The following APC variants were observed in gnomAD, a reference collection of about 807,000 sequenced individuals.
APC encodes APC regulator of Wnt signaling pathway.
Under a neutral mutation model 247.0 loss-of-function variants are expected in APC, and 72 were observed. That is an observed-to-expected ratio of 0.29 (90% CI 0.24 to 0.35). The LOEUF (loss-of-function observed/expected upper bound fraction) is 0.35, where lower values mean the gene tolerates loss of function less well. Ranked by LOEUF, APC falls within the 10% of genes least tolerant of loss-of-function variation. The pLI is 1.00. For missense variants in APC, 3,400 were observed against 3,360.7 expected, an observed-to-expected ratio of 1.01 and a Z score of -0.29; for synonymous variants, 1,254 against 1,162.5, an observed-to-expected ratio of 1.08 and a Z score of -1.60.
chr5:112,742,284 C>T (rs535806447), intron 1 of APC, among the ~76,000 whole-genome samples: 14 of 152,232 alleles, frequency 9.2e-5, no homozygotes, highest in South Asian at 8.3e-4. Flanking sequence ...CAGTGAAGGC[C>T]GTAAGTTTTC....
At chr5:112,749,994 G>C (rs1581105628) in intron 1 of APC, among the ~76,000 whole-genome samples, 1 of 107,216 alleles carries the variant, frequency 9.3e-6, no homozygotes, top group African/African-American at 3.8e-5. Context: ...ATGGAGTCTT[G>C]CTCTGTCTCC....
chr5:112,754,242 T>C (rs1372811601), intron 1 of APC, among the ~76,000 whole-genome samples: 1 of 152,246 alleles, frequency 6.6e-6, no homozygotes, highest in East Asian at 1.9e-4. Context: ...GAACTTTATG[T>C]TAGTAATTCT....
chr5:112,734,619 A>G (rs1314703949), upstream of APC, among the ~76,000 whole-genome samples: 1 of 152,226 alleles, frequency 6.6e-6, no homozygotes, highest in African/African-American at 2.4e-5. Context: ...GTTTATCAGT[A>G]AAGCACCAGA....
Position 112,842,849 on chromosome 5 carries a change from A to G in APC, c.7255A>G (p.Met2419Val), listed in dbSNP as rs730881259. 1 of 1,613,968 alleles carries G rather than the reference A, an allele frequency of 6.2e-7. No individual in the cohort carries two copies. Among genetic ancestry groups the G allele is most frequent in the Non-Finnish European group, 8.5e-7 (1 of 1,179,924 alleles). ...CAATAAAAAGGTAGAACTTTCTAGAATGTCTTCAACTAAATCAAGTGGAAG... is the reference window on the plus strand; with the variant it reads ...CAATAAAAAGGTAGAACTTTCTAGAGTGTCTTCAACTAAATCAAGTGGAAG... ...GANKKVELSR[M>V]SSTKSSGSES... Residue 2419 changes from methionine to valine, a missense_variant, in exon 16 of 16, where the codon ATG (methionine) becomes GTG (valine). Around this residue, in one of 9 missense-constraint regions of APC, gnomAD observed 1,788 missense variants for 1,649.5 expected, o/e 1.08. Transcript: ENST00000257430.
intron 13 of APC, among the ~76,000 whole-genome samples, chr5:112,828,496 A>G (rs1763951403): frequency 6.7e-6 from 1 of 149,908 alleles, no homozygotes; most frequent in African/African-American, 2.4e-5. Context: ...TCTCTTGCCC[A>G]GGCTGGAGTG....
chr5:112,794,360 G>A (rs1188095174), intron 7 of APC, among the ~76,000 whole-genome samples: 1 of 152,184 alleles, frequency 6.6e-6, no homozygotes, highest in East Asian at 1.9e-4. Context: ...GATTACAGGC[G>A]TGAGCCACTG....
At chr5:112,801,217 G>A (rs1207655271) in intron 7 of APC, 62 bp from the exon 8 acceptor site, 32 of 1,389,634 alleles carry the variant, frequency 2.3e-5, no homozygotes, top group Non-Finnish European at 3.1e-5. Context: ...AAGAAAAAAA[G>A]CCTTGGGCTA....
At position 112,781,025 on chromosome 5, in the gene APC, A is replaced by G. The variant is rs79741137; in HGVS notation, c.645+122A>G. ...ATAAGGCTGTGTTTATTTTGGCTCT[A>G]TTTCAAAATAAGATTTATCATGGCT... On this transcript the variant is annotated intron_variant, in intron 6 of 15. Coordinates refer to ENST00000257430, the MANE Select transcript of APC (RefSeq NM_000038.6). The G allele has an allele frequency of 1.4e-6, 1 of 739,192 alleles. No homozygotes were observed. The highest frequency in any genetic ancestry group is 2.8e-5 in the East Asian group (1 of 36,156). 45.8% of individuals were successfully genotyped at this position (739,192 alleles called of 1,614,324 possible). A position where few individuals can be genotyped will look rare whatever the true frequency, so the allele number is the denominator to read the frequency against.
chr5:112,750,024 G>A (rs1157620861), intron 1 of APC, among the ~76,000 whole-genome samples: 2 of 142,640 alleles, frequency 1.4e-5, no homozygotes, highest in Non-Finnish European at 1.5e-5. Flanking sequence ...GTGCAGTGGC[G>A]CGATCTCGGC....
At chr5:112,803,345 A>G (rs1273097180) in intron 8 of APC, among the ~76,000 whole-genome samples, 3 of 152,200 alleles carry the variant, frequency 2.0e-5, no homozygotes, top group East Asian at 1.9e-4. Flanking sequence ...TAATACTAAC[A>G]ATAGCAAAAA....
In APC at chr5:112,760,679, G is replaced by C. The variant is rs573728117; in HGVS notation, c.136-5647G>C. Among the ~76,000 whole-genome samples, 3 of 152,296 alleles carry C rather than the reference G, an allele frequency of 2.0e-5. No individual in the cohort carries two copies. The East Asian group carries it at 5.8e-4, about 29-fold the overall frequency. On this transcript the variant is annotated intron_variant, in intron 2 of 15. Coordinates refer to ENST00000257430, the MANE Select transcript of APC (RefSeq NM_000038.6). ...AAATGTCAGATTTTGATACTGTATA[G>C]GGTAAGAAGTTAACTGCTGAGGAGA...
At position 112,834,932 on chromosome 5, in the gene APC, A is replaced by G. The variant is rs762654419; in HGVS notation, c.1744-19A>G. 26 of 1,605,008 alleles carry G rather than the reference A, an allele frequency of 1.6e-5. No individual in the cohort carries two copies. Among genetic ancestry groups the G allele is most frequent in the African/African-American group, 4.0e-5 (3 of 74,718 alleles). On this transcript the variant is annotated intron_variant, in intron 14 of 15. Transcript: ENST00000257430. ...AATTCCAACTCTAATTAGATGACCC[A>G]TATTCTGTTTCTTACTAGGAATCAA... is the stretch of plus-strand genomic sequence containing the variant.
rs530569994 is a variant in APC at position 112,764,565 on chromosome 5, G to A, written c.136-1761G>A. Among the ~76,000 whole-genome samples, 10 of 152,286 alleles carry A rather than the reference G, an allele frequency of 6.6e-5. No individual in the cohort carries two copies. In the South Asian group the frequency reaches 2.1e-3, roughly 32 times the overall value. On this transcript the variant is annotated intron_variant, in intron 2 of 15. Coordinates refer to ENST00000257430, the MANE Select transcript of APC (RefSeq NM_000038.6). ...TTTATTGGTACAAAATGTTAGTTCA[G>A]TTCTGGACATTTAGATGTATGGTAC...
chr5:112,833,511 A>C (rs2149835616), intron 14 of APC, among the ~76,000 whole-genome samples: 1 of 151,932 alleles, frequency 6.6e-6, no homozygotes, highest in Middle Eastern at 3.4e-3. Context: ...TTTTGTAGAG[A>C]TTGGGTATTG....
chr5:112,798,317 C>T (rs1760423569), intron 7 of APC, among the ~76,000 whole-genome samples: 1 of 152,026 alleles, frequency 6.6e-6, no homozygotes, highest in African/African-American at 2.4e-5. Context: ...TAAAATAAGC[C>T]AGAGATATAA....
chr5:112,817,035 A>AT (rs1561537643), intron 9 of APC, among the ~76,000 whole-genome samples: 1 of 151,274 alleles, frequency 6.6e-6, no homozygotes, highest in Non-Finnish European at 1.5e-5. Flanking sequence ...TGCCCGGCTA[A>AT]TTTTTTGTAT....
chr5:112,766,308 T>C lies in APC; in HGVS notation c.136-18T>C, dbSNP rs1261769588. On this transcript the variant is annotated intron_variant, in intron 2 of 15. Coordinates refer to ENST00000257430, the MANE Select transcript of APC (RefSeq NM_000038.6). The stretch of plus-strand genomic sequence containing the variant: ...TTATTTAGAATTTCATGTTAATATA[T>C]TGTGTTCTTTTTAACAGGAAGTACT... 1.3e-6 allele frequency: 2 copies of C among 1,487,056 alleles called. No individual in the cohort carries two copies. Among genetic ancestry groups the C allele is most frequent in the Admixed American group, 1.7e-5 (1 of 59,768 alleles). 92.1% of individuals were successfully genotyped at this position (1,487,056 alleles called of 1,614,324 possible).
chr5:112,777,016 A>G (rs1278473557), intron 5 of APC, among the ~76,000 whole-genome samples: 1 of 152,152 alleles, frequency 6.6e-6, no homozygotes, highest in Admixed American at 6.6e-5. Flanking sequence ...TTTGCAAACC[A>G]TTGCATTTAT....
chr5:112,824,655 C>T (rs1276761319), intron 11 of APC, among the ~76,000 whole-genome samples: 1 of 152,146 alleles, frequency 6.6e-6, no homozygotes, highest in Admixed American at 6.6e-5. Context: ...GTTATTGTCA[C>T]ACCAGGCAAG....
Sources: allele counts gnomAD v4.1 joint callset (sites outside exome capture counted in the v4.1 genomes callset), GRCh38; gene constraint gnomAD v4.1.1; regional missense constraint gnomAD v4.1.1; transcripts MANE v1.5; gene names NCBI Gene and HGNC (gene_info 2026-07-23, HGNC 2026-07-21).